Variants in DMXL2 observed in about 807,000 individuals in gnomAD.
DMXL2 encodes dmX-like protein 2.
Under a neutral mutation model 331.1 loss-of-function variants are expected in DMXL2, and 103 were observed. The observed-to-expected ratio is 0.31, with a 90% CI of 0.27 to 0.37. The LOEUF (loss-of-function observed/expected upper bound fraction) is 0.37. Ranked by LOEUF, DMXL2 falls within the 10% of genes least tolerant of loss-of-function variation. The pLI, the probability that DMXL2 is intolerant of heterozygous loss-of-function variation, is 1.00. For synonymous variants in DMXL2, 1,281 were observed against 1,252.1 expected (o/e 1.02, Z -0.49); for missense variants, 3,171 against 3,642.9 (o/e 0.87, Z 3.33).
In DMXL2 at chr15:51,537,492, A is replaced by G; in HGVS notation, c.1613T>C (p.Val538Ala). The G allele has an allele frequency of 6.2e-7, 1 of 1,608,262 alleles. No individual in the cohort carries two copies. Among genetic ancestry groups the G allele is most frequent in the Non-Finnish European group, 8.5e-7 (1 of 1,175,898 alleles). ...DEYNPGIFRQ[V>A]QVSFSSRIPV... Reference sequence around the variant, plus strand: ...TATTTCATCAATAAAATATACCTGAACTTGTCTAAATATTCCAGGATTATA... The same window carrying G: ...TATTTCATCAATAAAATATACCTGAGCTTGTCTAAATATTCCAGGATTATA... The change falls in exon 11 of 44, where the codon GTT becomes GCT. Residue 538 changes from valine to alanine, a missense_variant. Physicochemically the swap from Val to Ala is moderately conservative, Grantham distance 64 (BLOSUM62 0). Coordinates refer to ENST00000560891, the MANE Select transcript of DMXL2 (RefSeq NM_001378457.1).
In DMXL2 at chr15:51,456,143, G is replaced by T. The variant is rs1202575499; in HGVS notation, c.8449C>A (p.Pro2817Thr). ...TGACGAAAGCAGACAAGTTGCTGAG[G>T]CCGCGTCCATTCAAACATTCGTACA... ...GSVRMFEWTRPQQLVCFRQAG... is the reference protein window; with the variant it reads ...GSVRMFEWTRTQQLVCFRQAG... The change falls in exon 39 of 44, where the codon CCT becomes ACT. Residue 2817 changes from proline to threonine, a missense_variant. By Grantham distance (38) the Pro-to-Thr change is conservative. Coordinates refer to ENST00000560891, the MANE Select transcript of DMXL2 (RefSeq NM_001378457.1). 6.2e-7 allele frequency: 1 copy of T among 1,614,026 alleles called. No homozygotes were observed. The highest frequency in any genetic ancestry group is 1.3e-5 in the African/African-American group (1 of 74,902).
In DMXL2 at chr15:51,462,545, C is replaced by T. The variant is rs193004809; in HGVS notation, c.7926+834G>A. Among the ~76,000 whole-genome samples the T allele has an allele frequency of 5.9e-3, 895 of 152,212 alleles. 2 individuals carry two copies. Among genetic ancestry groups the T allele is most frequent in the Non-Finnish European group, 9.0e-3 (610 of 67,998 alleles). ...AGAGATGGGGTTTCTCCATGTTGGT[C>T]AGGCTGGTCATGAACTCCTGACTTC... On this transcript the variant is annotated intron_variant, in intron 33 of 43. Coordinates refer to ENST00000560891, the MANE Select transcript of DMXL2 (RefSeq NM_001378457.1).
rs189158417 is a variant in DMXL2, at chr15:51,535,144, T to C, written c.2436+519A>G. Among the ~76,000 whole-genome samples the C allele has an allele frequency of 1.4e-4, 22 of 152,320 alleles. No homozygotes were observed. In the East Asian group the frequency reaches 3.7e-3, roughly 25 times the overall value. On this transcript the variant is annotated intron_variant, in intron 13 of 43. Coordinates refer to ENST00000560891, the MANE Select transcript of DMXL2 (RefSeq NM_001378457.1). The stretch of plus-strand genomic sequence containing the variant: ...ATTTTTATTAGAATAGTTGTTTTTA[T>C]AGGTAAATGGAAAATCTACTGTTCA...
At chr15:51,471,573 C>T (rs1215548403) in intron 28 of DMXL2, among the ~76,000 whole-genome samples, 172 bp from the exon 29 acceptor site, 1 of 152,132 alleles carries the variant, frequency 6.6e-6, no homozygotes, top group African/African-American at 2.4e-5. Context: ...GCAGTCATGG[C>T]AGAGATACAG....
In DMXL2 at chr15:51,507,239, G is replaced by A. The variant is rs749357849; in HGVS notation, c.2659C>T (p.Pro887Ser). The change falls in exon 16 of 44, where the codon CCA becomes TCA. Residue 887 changes from proline to serine, a missense_variant. Physicochemically the swap from Pro to Ser is moderately conservative, Grantham distance 74. Transcript: ENST00000560891. ...ACTAGAAAGAACTTTTCTGAAAATGGTGGTGGGCGGTATCCTATTATTCAA... is the reference window on the plus strand; with the variant it reads ...ACTAGAAAGAACTTTTCTGAAAATGATGGTGGGCGGTATCCTATTATTCAA... ...FQPSQGYRPP[P>S]FSEKFFLVVI... The A allele has an allele frequency of 1.1e-5, 18 of 1,609,902 alleles. No homozygotes were observed. The highest frequency in any genetic ancestry group is 1.7e-5 in the Admixed American group (1 of 59,696).
chr15:51,451,243 T>C (rs1424926390), intron 42 of DMXL2, among the ~76,000 whole-genome samples: 2 of 152,032 alleles, frequency 1.3e-5, no homozygotes, highest in Non-Finnish European at 2.9e-5. Flanking sequence ...GCCTGAGCAA[T>C]ACAGCATGAC....
intron 8 of DMXL2, among the ~76,000 whole-genome samples, chr15:51,544,701 A>G (rs1227176842): frequency 1.3e-5 from 2 of 152,174 alleles, no homozygotes; most frequent in Non-Finnish European, 2.9e-5. Context: ...TATAGTCAAT[A>G]ATGTAGACTG....
At chr15:51,527,735 A>G (rs1267808988) in intron 13 of DMXL2, among the ~76,000 whole-genome samples, 2 of 152,134 alleles carry the variant, frequency 1.3e-5, no homozygotes, top group Admixed American at 6.5e-5. Context: ...AAAAAAAAAA[A>G]AGAAGTCATC....
intron 18 of DMXL2, among the ~76,000 whole-genome samples, chr15:51,496,194 C>G (rs1339416638): frequency 6.6e-6 from 1 of 152,084 alleles, no homozygotes; most frequent in Non-Finnish European, 1.5e-5. Flanking sequence ...GTGAGGGACT[C>G]TTCAGGTACT....
chr15:51,493,045 T>C (rs2042919589), intron 19 of DMXL2, among the ~76,000 whole-genome samples: 1 of 152,192 alleles, frequency 6.6e-6, no homozygotes, highest in South Asian at 2.1e-4. Context: ...ACAACTGTGT[T>C]TGTAATCATA....
Position 51,536,240 on chromosome 15 carries a change from C to T in DMXL2, c.2240G>A (p.Arg747Gln), listed in dbSNP as rs749262883. Residue 747 changes from arginine (R) to glutamine (Q), a missense_variant, in exon 12 of 44, where the codon CGA becomes CAA. Arg to Gln is a conservative substitution (Grantham distance 43). Transcript: ENST00000560891. ...CGCTGAGGTATGTAAAGAGTTAATT[C>T]GAGCCAATTCTGATACTCCTCCAGT... ...SYTGGVSELARINSLHTSAFS... is the reference protein window; with the variant it reads ...SYTGGVSELAQINSLHTSAFS... 3.7e-6 allele frequency: 6 copies of T among 1,613,556 alleles called. No individual in the cohort carries two copies. Among genetic ancestry groups the T allele is most frequent in the East Asian group, 2.2e-5 (1 of 44,876 alleles).
chr15:51,503,131 C>G (rs910390863), intron 16 of DMXL2, 98 bp from the exon 17 acceptor site: 2 of 885,566 alleles, frequency 2.3e-6, no homozygotes, highest in Admixed American at 5.8e-5. Flanking sequence ...AACATAGCTT[C>G]TTAAAAGTAT....
Position 51,574,106 on chromosome 15 carries a change from CAGGCTA to C in DMXL2, c.213+1944_213+1949del, listed in dbSNP as rs200944112. Among the ~76,000 whole-genome samples the C allele has an allele frequency of 4.1e-4, 62 of 152,132 alleles. No homozygotes were observed. The East Asian group carries it at 0.01, about 25-fold the overall frequency. ...CATCTAGAGGAAGGAATACAAAAAA[CAGGCTA>C]AGGAGAAGTCAGGGAGCCATAAACT... On this transcript the variant is annotated intron_variant, in intron 2 of 43. Transcript: ENST00000560891.
rs376692955 is a variant in DMXL2 at position 51,481,378 on chromosome 15, T to C, written c.5728A>G (p.Lys1910Glu). Reference sequence around the variant, plus strand: ...GATAAGGCAGATGTTTTGGTTACTTTTGGAATTTTGGAGAGTACCTCCAAG... The same window carrying C: ...GATAAGGCAGATGTTTTGGTTACTTCTGGAATTTTGGAGAGTACCTCCAAG... Reference protein sequence around the residue: ...LALEVLSKIPKVTKTSALSAK... With the variant: ...LALEVLSKIPEVTKTSALSAK... The change falls in exon 24 of 44, where the codon AAA becomes GAA. Residue 1910 changes from lysine (K) to glutamate (E), a missense_variant. Physicochemically the swap from Lys to Glu is moderately conservative, Grantham distance 56 (BLOSUM62 1). Coordinates refer to ENST00000560891, the MANE Select transcript of DMXL2 (RefSeq NM_001378457.1). 103 of 1,613,666 alleles carry C rather than the reference T, an allele frequency of 6.4e-5. No homozygotes were observed. Among genetic ancestry groups the C allele is most frequent in the Non-Finnish European group, 8.6e-5 (101 of 1,179,860 alleles).
chr15:51,503,758 A>G (rs1217278882), intron 16 of DMXL2, among the ~76,000 whole-genome samples: 1 of 152,192 alleles, frequency 6.6e-6, no homozygotes, highest in African/African-American at 2.4e-5. Context: ...AAGGTAATGA[A>G]TATCCTAAAT....
chr15:51,494,952 C>T, intron 19 of DMXL2, 72 bp downstream of exon 19: 1 of 1,106,676 alleles, frequency 9.0e-7, no homozygotes, highest in South Asian at 1.4e-5. Context: ...TGTTTACACA[C>T]AAACATGATA....
chr15:51,594,888 A>G (rs1280243289), intron 1 of DMXL2, among the ~76,000 whole-genome samples: 1 of 152,228 alleles, frequency 6.6e-6, no homozygotes, highest in Non-Finnish European at 1.5e-5. Flanking sequence ...AACTCTCAAT[A>G]AATTAGGTAT....
chr15:51,454,798 C>T (rs1326465792), intron 40 of DMXL2, among the ~76,000 whole-genome samples: 1 of 151,878 alleles, frequency 6.6e-6, no homozygotes, highest in Admixed American at 6.6e-5. Context: ...CCCGGCAGAA[C>T]CTGATTCTTA....
At chr15:51,472,708 T>G (rs1482342894) in intron 28 of DMXL2, among the ~76,000 whole-genome samples, 2 of 152,236 alleles carry the variant, frequency 1.3e-5, no homozygotes, top group African/African-American at 4.8e-5. Flanking sequence ...ACTTCATTCC[T>G]TTTATAGCTG....
Sources: allele counts gnomAD v4.1 joint callset (sites outside exome capture counted in the v4.1 genomes callset), GRCh38; gene constraint gnomAD v4.1.1; transcripts MANE v1.5; gene names NCBI Gene and HGNC (gene_info 2026-07-23, HGNC 2026-07-21).